NALCN: variants seen among roughly 807,000 people sequenced by gnomAD.
The protein encoded by NALCN is sodium leak channel, non-selective.
Under a neutral mutation model 225.3 loss-of-function variants are expected in NALCN, and 111 were observed. That is an observed-to-expected ratio of 0.49 (90% CI 0.42 to 0.58). The LOEUF (loss-of-function observed/expected upper bound fraction) is 0.58. Ranked by LOEUF, NALCN falls within the 20% of genes least tolerant of loss-of-function variation. The pLI is 0.00. For synonymous variants in NALCN, 764 were observed against 769.0 expected (o/e 0.99, Z 0.11); for missense variants, 1,378 against 2,202.4 (o/e 0.63, Z 7.49).
rs2043595018 is a variant in NALCN, at chr13:101,292,615, T to C, written c.800-249A>G. ...TAATTTGATATTATACCTTTAGCTG[T>C]TAAATGCAAATAATAATGTGGAAAA... is the stretch of plus-strand genomic sequence containing the variant. On this transcript the variant is annotated intron_variant, in intron 7 of 43. Transcript: ENST00000251127. The surrounding 1 kb of genome is among the most constrained non-coding windows in gnomAD (Gnocchi z 4.3). 6.6e-6 allele frequency among the ~76,000 whole-genome samples: 1 copy of C among 152,166 alleles called. No homozygotes were observed. The highest frequency in any genetic ancestry group is 2.4e-5 in the African/African-American group (1 of 41,438).
chr13:101,163,365 A>G (rs1278318439), intron 15 of NALCN, among the ~76,000 whole-genome samples: 1 of 152,162 alleles, frequency 6.6e-6, no homozygotes, highest in East Asian at 1.9e-4. Flanking sequence ...TGTTTGTTCC[A>G]TGGTAAGAGA....
In NALCN at chr13:101,284,237, T is replaced by G. The variant is rs545628397; in HGVS notation, c.1048-218A>C. On this transcript the variant is annotated intron_variant, in intron 9 of 43. Transcript: ENST00000251127. ...TAACTTGAGTTTATTGACTACTTGC[T>G]ATGTCAGGCACTTTCTGTCTTGCAT... 2.0e-5 allele frequency among the ~76,000 whole-genome samples: 3 copies of G among 152,374 alleles called. No individual in the cohort carries two copies. The East Asian group carries it at 5.8e-4, about 29-fold the overall frequency.
intron 1 of NALCN, among the ~76,000 whole-genome samples, chr13:101,411,098 C>T (rs1413907107): frequency 6.6e-6 from 1 of 152,148 alleles, no homozygotes; most frequent in East Asian, 1.9e-4. Flanking sequence ...GATCAATATT[C>T]CTCCCAGATT....
At chr13:101,080,212 C>G (rs2044118) in intron 34 of NALCN, among the ~76,000 whole-genome samples, 1 of 151,818 alleles carries the variant, frequency 6.6e-6, no homozygotes, top group South Asian at 2.1e-4. Context: ...AATGGTGGAA[C>G]CTAGACTAGG....
At chr13:101,266,717 A>G (rs1053017219) in intron 10 of NALCN, among the ~76,000 whole-genome samples, 2 of 152,234 alleles carry the variant, frequency 1.3e-5, no homozygotes, top group African/African-American at 4.8e-5. Context: ...ATTCTCAGAA[A>G]CCATCTTGCA....
intron 7 of NALCN, among the ~76,000 whole-genome samples, chr13:101,326,299 C>A (rs2044949314): frequency 1.3e-5 from 2 of 150,960 alleles, no homozygotes; most frequent in South Asian, 4.2e-4. Context: ...AAACATAGTG[C>A]CTAACATATA....
chr13:101,077,705 T>C (rs986809806), intron 34 of NALCN, among the ~76,000 whole-genome samples: 2 of 152,198 alleles, frequency 1.3e-5, no homozygotes, highest in Non-Finnish European at 2.9e-5. Context: ...ATGATTTTTA[T>C]AGAAAAGAAA....
At chr13:101,245,969 G>C (rs2041883312) in intron 11 of NALCN, among the ~76,000 whole-genome samples, 1 of 152,172 alleles carries the variant, frequency 6.6e-6, no homozygotes, top group Non-Finnish European at 1.5e-5. Context: ...TGGCCAATGG[G>C]AAACCTCTAG....
intron 6 of NALCN, among the ~76,000 whole-genome samples, chr13:101,347,796 G>C (rs1264650111): frequency 1.3e-5 from 2 of 152,170 alleles, no homozygotes; most frequent in Non-Finnish European, 2.9e-5. Context: ...TGAGGGTTAA[G>C]TAAAGTAAAC....
rs1055077894 is a variant in NALCN at position 101,104,222 on chromosome 13, G to A, written c.2889+73C>T. 68 of 1,526,024 alleles carry A rather than the reference G, an allele frequency of 4.5e-5. No homozygotes were observed. In the East Asian group the frequency reaches 5.9e-4, roughly 13 times the overall value. 94.5% of individuals were successfully genotyped at this position (1,526,024 alleles called of 1,614,324 possible). On this transcript the variant is annotated intron_variant, in intron 25 of 43. Transcript: ENST00000251127. The surrounding 1 kb of genome is among the most constrained non-coding windows in gnomAD (Gnocchi z 4.2). ...AGCCTCTGTAACTCATACCTCTTGC[G>A]CTTATACCAAGAAATGCAGGAGATT...
At chr13:101,320,878 T>C (rs2044722664) in intron 7 of NALCN, among the ~76,000 whole-genome samples, 1 of 152,158 alleles carries the variant, frequency 6.6e-6, no homozygotes, top group African/African-American at 2.4e-5. Flanking sequence ...ATTAATACAA[T>C]ATCTTGTCGC....
intron 42 of NALCN, chr13:101,059,409 C>T (rs1447003722): frequency 6.5e-6 from 1 of 154,460 alleles, no homozygotes; most frequent in East Asian, 1.9e-4. Context: ...GATTTTACTG[C>T]AAATTTCTAT....
In NALCN at chr13:101,354,711, A is replaced by G. The variant is rs374915249; in HGVS notation, c.645-9291T>C. 2.4e-3 allele frequency among the ~76,000 whole-genome samples: 371 copies of G among 152,344 alleles called. 5 individuals are homozygous for G. Among genetic ancestry groups the G allele is most frequent in the African/African-American group, 8.3e-3 (347 of 41,580 alleles). On this transcript the variant is annotated intron_variant, in intron 6 of 43. Transcript: ENST00000251127. Reference sequence around the variant, plus strand: ...GTATTATAAATTAGAAATTGTGAATATAAATCACCTCTTACATACTTGGAG... The same window carrying G: ...GTATTATAAATTAGAAATTGTGAATGTAAATCACCTCTTACATACTTGGAG...
intron 1 of NALCN, 94 bp downstream of exon 1, chr13:101,416,219 C>T (rs1395110537): frequency 6.6e-6 from 1 of 151,858 alleles, no homozygotes; most frequent in Non-Finnish European, 1.5e-5. Context: ...CCCGGACCGG[C>T]CAAGGAACTA....
chr13:101,178,381 T>A (rs1030443943), intron 14 of NALCN, among the ~76,000 whole-genome samples: 1 of 152,230 alleles, frequency 6.6e-6, no homozygotes, highest in South Asian at 2.1e-4. Context: ...AGGGATCCTG[T>A]TCGCCTCCCT....
At chr13:101,102,158 G>A (rs1295961630) in intron 26 of NALCN, among the ~76,000 whole-genome samples, 3 of 151,900 alleles carry the variant, frequency 2.0e-5, no homozygotes, top group South Asian at 2.1e-4. Context: ...TGGCACATGC[G>A]TGTAGTCTCA....
intron 3 of NALCN, among the ~76,000 whole-genome samples, chr13:101,389,487 G>T (rs949825040): frequency 6.6e-6 from 1 of 152,186 alleles, no homozygotes; most frequent in Non-Finnish European, 1.5e-5. Context: ...ACAGCCCCAT[G>T]TTTAGAATGG....
chr13:101,145,006 A>C, intron 15 of NALCN, 110 bp from the exon 16 acceptor site: 1 of 1,230,656 alleles, frequency 8.1e-7, no homozygotes, highest in Non-Finnish European at 1.1e-6. Context: ...ATGAAATGCC[A>C]GTAGATGGCA....
intron 7 of NALCN, among the ~76,000 whole-genome samples, chr13:101,324,248 C>G (rs2044860737): frequency 6.6e-6 from 1 of 152,112 alleles, no homozygotes; most frequent in Admixed American, 6.5e-5. Context: ...ACAACTCATA[C>G]TACTGTGCAA....
Sources: allele counts gnomAD v4.1 joint callset (sites outside exome capture counted in the v4.1 genomes callset), GRCh38; gene constraint gnomAD v4.1.1; non-coding constraint Gnocchi (gnomAD v3.1); transcripts MANE v1.5; gene names NCBI Gene and HGNC (gene_info 2026-07-23, HGNC 2026-07-21).